B4GALT6: variants seen among roughly 807,000 people sequenced by gnomAD.
The protein encoded by B4GALT6 is beta-1,4-galactosyltransferase 6.
In B4GALT6, 14 loss-of-function variants were observed where a neutral mutation model predicts 46.3. The observed-to-expected ratio is 0.30, with a 90% CI of 0.20 to 0.47. The LOEUF is 0.47. B4GALT6 is among the 20% of genes least tolerant of loss of function. B4GALT6 has a pLI of 0.99. For synonymous variants in B4GALT6, 168 were observed against 162.0 expected, an observed-to-expected ratio of 1.04 and a Z score of -0.28; for missense variants, 386 against 480.1, an observed-to-expected ratio of 0.80 and a Z score of 1.83.
chr18:31,723,879 C>A, the B4GALT6 span, among the ~76,000 whole-genome samples: 3 of 152,144 alleles, frequency 2.0e-5, no homozygotes, highest in African/African-American at 7.2e-5. Flanking sequence ...GCTGCCAGAA[C>A]TGGACTGGCA....
Position 31,654,823 on chromosome 18 carries a change from A to G in B4GALT6, c.346+3153T>C, listed in dbSNP as rs936368234. Among the ~76,000 whole-genome samples the G allele has an allele frequency of 2.0e-5, 3 of 152,230 alleles. No individual in the cohort carries two copies. The South Asian group carries it at 6.2e-4, about 32-fold the overall frequency. On this transcript the variant is annotated intron_variant, in intron 3 of 8. Coordinates refer to ENST00000306851, the MANE Select transcript of B4GALT6 (RefSeq NM_004775.5). ...TATTCAATTATTTTGTGTAACTATT[A>G]TAAGATTTTATACTTATGTATTTTA...
At chr18:31,722,335 A>G in the B4GALT6 span, among the ~76,000 whole-genome samples, 1 of 152,208 alleles carries the variant, frequency 6.6e-6, no homozygotes, top group Non-Finnish European at 1.5e-5. Flanking sequence ...AGAATACATA[A>G]GGAATTGGTA....
the B4GALT6 span, among the ~76,000 whole-genome samples, chr18:31,709,601 G>GTATA: frequency 2.2e-5 from 3 of 136,046 alleles, no homozygotes; most frequent in African/African-American, 6.1e-5. Flanking sequence ...GTGTGTGTGT[G>GTATA]TGTATATATA....
At chr18:31,702,650 G>A in the B4GALT6 span, among the ~76,000 whole-genome samples, 1 of 152,142 alleles carries the variant, frequency 6.6e-6, no homozygotes, top group African/African-American at 2.4e-5. Context: ...ATGAGGCACT[G>A]TAACCACAAA....
At chr18:31,711,284 G>C in the B4GALT6 span, among the ~76,000 whole-genome samples, 1 of 151,918 alleles carries the variant, frequency 6.6e-6, no homozygotes, top group Non-Finnish European at 1.5e-5. Flanking sequence ...TTAGGTTCAG[G>C]GTACATTGCA....
At chr18:31,646,284 T>C (rs1266244539) in intron 3 of B4GALT6, among the ~76,000 whole-genome samples, 1 of 152,212 alleles carries the variant, frequency 6.6e-6, no homozygotes, top group Non-Finnish European at 1.5e-5. Context: ...ACTGGAGGTG[T>C]TCTTACTAGT....
At chr18:31,629,631 C>T (rs1025098402) in intron 6 of B4GALT6, among the ~76,000 whole-genome samples, 1 of 150,430 alleles carries the variant, frequency 6.6e-6, no homozygotes, top group Non-Finnish European at 1.5e-5. Context: ...GGGTGGATCA[C>T]AAGGTCAGGA....
the B4GALT6 span, among the ~76,000 whole-genome samples, chr18:31,696,630 A>T: frequency 6.6e-6 from 1 of 152,208 alleles, no homozygotes; most frequent in Non-Finnish European, 1.5e-5. Context: ...ATAACATGCC[A>T]TGCCTACTAT....
chr18:31,696,315 A>G, the B4GALT6 span, among the ~76,000 whole-genome samples: 1 of 151,608 alleles, frequency 6.6e-6, no homozygotes. Flanking sequence ...GCTGAAGAAG[A>G]AAACAAATGC....
intron 6 of B4GALT6, among the ~76,000 whole-genome samples, chr18:31,627,687 A>G (rs111504516): frequency 6.6e-6 from 1 of 152,182 alleles, no homozygotes; most frequent in African/African-American, 2.4e-5. Context: ...CAATGCATTG[A>G]TATTTACAGA....
At chr18:31,675,700 A>T (rs9949056) in intron 1 of B4GALT6, among the ~76,000 whole-genome samples, 16,843 of 152,188 alleles carry the variant, frequency 0.11, 1,485 homozygotes, top group African/African-American at 0.24. Context: ...GCAGGAAATT[A>T]AACAGATCTT....
chr18:31,655,437 G>C (rs913538291), intron 3 of B4GALT6, among the ~76,000 whole-genome samples: 2 of 152,194 alleles, frequency 1.3e-5, no homozygotes, highest in South Asian at 4.1e-4. Flanking sequence ...CAGGGAAGCA[G>C]AGAGAAGGGG....
upstream of B4GALT6, among the ~76,000 whole-genome samples, chr18:31,684,932 C>A (rs2074528334): frequency 6.7e-6 from 1 of 148,982 alleles, no homozygotes; most frequent in Non-Finnish European, 1.5e-5. Context: ...TCGGCAGGCC[C>A]TGCGCCGCCT....
intron 2 of B4GALT6, among the ~76,000 whole-genome samples, chr18:31,664,529 CTTTTTT>C (rs35854175): frequency 7.2e-6 from 1 of 138,058 alleles, no homozygotes; most frequent in South Asian, 2.3e-4. Context: ...AAGGATTTTC[CTTTTTT>C]TTTTTTTTTG....
the B4GALT6 span, among the ~76,000 whole-genome samples, chr18:31,699,375 C>T: frequency 0.019 from 2,850 of 150,964 alleles, 55 homozygotes; most frequent in Non-Finnish European, 0.028. Flanking sequence ...TGGGTTCAAG[C>T]GATTCTCCTG....
the B4GALT6 span, among the ~76,000 whole-genome samples, chr18:31,703,691 C>A: frequency 6.6e-6 from 1 of 152,172 alleles, no homozygotes; most frequent in African/African-American, 2.4e-5. Context: ...AAAGAATGAG[C>A]CTAATAGCTG....
At chr18:31,636,365 T>A (rs2073858832) in intron 5 of B4GALT6, among the ~76,000 whole-genome samples, 1 of 152,194 alleles carries the variant, frequency 6.6e-6, no homozygotes, top group African/African-American at 2.4e-5. Flanking sequence ...AAAACTTATG[T>A]CTTACAAAAG....
Position 31,626,514 on chromosome 18 carries a change from AT to A in B4GALT6, c.900-131del, listed in dbSNP as rs2073699670. On this transcript the variant is annotated intron_variant, in intron 7 of 8. Transcript: ENST00000306851. ...CCCAACCCCTGGGCCACAAACCAGT[AT>A]AGGTCCATGGCCTGTTAAAAACTGG... The A allele has an allele frequency of 9.5e-6, 5 of 524,058 alleles. No individual in the cohort carries two copies. The Admixed American group carries it at 1.4e-4, about 14-fold the overall frequency. 32.5% of individuals were successfully genotyped at this position (524,058 alleles called of 1,614,324 possible).
At chr18:31,715,537 C>CTTTTTTTTTTTTTTTTT in the B4GALT6 span, among the ~76,000 whole-genome samples, 3 of 49,628 alleles carry the variant, frequency 6.0e-5, no homozygotes, top group Non-Finnish European at 6.7e-5. Flanking sequence ...CTGGAACTGT[C>CTTTTTTTTTTTTTTTTT]TTTTTTTTTT....
Sources: allele counts gnomAD v4.1 joint callset (sites outside exome capture counted in the v4.1 genomes callset), GRCh38; gene constraint gnomAD v4.1.1; transcripts MANE v1.5; gene names NCBI Gene and HGNC (gene_info 2026-07-23, HGNC 2026-07-21).